The following CADPS variants were observed in gnomAD, a reference collection of about 807,000 sequenced individuals.
CADPS encodes the protein calcium-dependent secretion activator 1.
In CADPS, 57 loss-of-function variants were observed where a neutral mutation model predicts 167.3. The observed-to-expected ratio is 0.34, with a 90% CI of 0.28 to 0.42. CADPS has a LOEUF of 0.42. CADPS is among the 20% of genes least tolerant of loss of function. The pLI, the probability that CADPS is intolerant of heterozygous loss-of-function variation, is 1.00. For synonymous variants in CADPS, 676 were observed against 635.3 expected (o/e 1.06, Z -0.96); for missense variants, 1,414 against 1,738.1 (o/e 0.81, Z 3.32).
At chr3:62,713,950 T>A (rs1474528927) in intron 3 of CADPS, among the ~76,000 whole-genome samples, 1 of 152,270 alleles carries the variant, frequency 6.6e-6, no homozygotes, top group East Asian at 1.9e-4. Flanking sequence ...TGCAGCTTTT[T>A]AAAAAAATTT....
In CADPS at chr3:62,834,093, C is replaced by T. The variant is rs556775714; in HGVS notation, c.441+40496G>A. Among the ~76,000 whole-genome samples, 95 of 152,136 alleles carry T rather than the reference C, an allele frequency of 6.2e-4. 1 individual carries two copies. In the South Asian group the frequency reaches 0.011, roughly 18 times the overall value. The stretch of plus-strand genomic sequence containing the variant: ...TCTTTGTAAGAAAAAGAAAATCATG[C>T]GTATCAGTAAAAGTCATGTTTTCAA... On this transcript the variant is annotated intron_variant, in intron 1 of 29. Transcript: ENST00000383710.
intron 19 of CADPS, among the ~76,000 whole-genome samples, chr3:62,493,044 G>C (rs546763730): frequency 1.3e-5 from 2 of 152,248 alleles, no homozygotes; most frequent in East Asian, 3.9e-4. Context: ...GGAGGCTTTG[G>C]TTTTGTATCC....
At chr3:62,690,498 G>C (rs1260767262) in intron 3 of CADPS, among the ~76,000 whole-genome samples, 1 of 151,898 alleles carries the variant, frequency 6.6e-6, no homozygotes, top group Non-Finnish European at 1.5e-5. Context: ...AGGGAAGTCA[G>C]TGCCTGACTT....
chr3:62,596,427 A>T (rs1055605402), intron 6 of CADPS, among the ~76,000 whole-genome samples: 3 of 151,874 alleles, frequency 2.0e-5, no homozygotes, highest in Non-Finnish European at 4.4e-5. Context: ...CGAACTCCTG[A>T]CCTCAAGTGA....
chr3:62,829,463 C>CA (rs2074670233), intron 1 of CADPS, among the ~76,000 whole-genome samples: 1 of 152,076 alleles, frequency 6.6e-6, no homozygotes, highest in Admixed American at 6.6e-5. Flanking sequence ...CTATATCCTC[C>CA]ATGGATACCA....
At position 62,478,547 on chromosome 3, in the gene CADPS, G is replaced by A. The variant is rs2061595121; in HGVS notation, c.3174-131C>T. 1.2e-6 allele frequency: 1 copy of A among 806,720 alleles called. No individual in the cohort carries two copies. The highest frequency in any genetic ancestry group is 1.9e-6 in the Non-Finnish European group (1 of 516,754). 50.0% of individuals were successfully genotyped at this position (806,720 alleles called of 1,614,324 possible). A position where few individuals can be genotyped will look rare whatever the true frequency, so the allele number is the denominator to read the frequency against. ...ATACAAAACAACGTGTGTTGGCGGT[G>A]GAGGCGGGGGCGAGTCTCCACCGGC... On this transcript the variant is annotated intron_variant, in intron 22 of 29. Transcript: ENST00000383710. This position sits in a 1 kb window ranked among gnomAD's most constrained non-coding sequence, Gnocchi z 5.7.
intron 1 of CADPS, among the ~76,000 whole-genome samples, chr3:62,783,027 T>C (rs902074312): frequency 2.0e-5 from 3 of 152,212 alleles, no homozygotes; most frequent in African/African-American, 7.2e-5. Flanking sequence ...CCGAAAGTGC[T>C]GGGATTACAG....
At position 62,592,724 on chromosome 3, in the gene CADPS, G is replaced by A. The variant is rs749747286; in HGVS notation, c.1350C>T (p.Ser450=). 1 of 1,614,116 alleles carries A rather than the reference G, an allele frequency of 6.2e-7. No individual in the cohort carries two copies. Among genetic ancestry groups the A allele is most frequent in the South Asian group, 1.1e-5 (1 of 91,082 alleles). Residue 450 remains serine, a synonymous_variant, in exon 7 of 30, where the codon TCC becomes TCT. Transcript: ENST00000383710. The part of the protein sequence containing the change: ...KPTWGTQGDF[S]TTHALPAVKV... Reference sequence around the variant, plus strand: ...TCACAGCTGGCAGTGCATGGGTTGTGGAGAAGTCACCCTGGGTGCCCCAGC... The same window carrying A: ...TCACAGCTGGCAGTGCATGGGTTGTAGAGAAGTCACCCTGGGTGCCCCAGC...
At chr3:62,804,334 C>T (rs1054370467) in intron 1 of CADPS, among the ~76,000 whole-genome samples, 1 of 151,980 alleles carries the variant, frequency 6.6e-6, no homozygotes, top group African/African-American at 2.4e-5. Context: ...CATCTTGAGG[C>T]CAAGGGTATT....
rs143290703 is a variant in CADPS, at chr3:62,630,377, A to G, written c.1325+15345T>C. 1.1e-3 allele frequency among the ~76,000 whole-genome samples: 163 copies of G among 152,202 alleles called. 1 individual carries two copies. The highest frequency in any genetic ancestry group is 3.7e-3 in the African/African-American group (155 of 41,528). ...TTTCTTGGAAATAGAGTCTCACACT[A>G]TCACCCAAGCTGGAGTGCAGTGGTG... On this transcript the variant is annotated intron_variant, in intron 6 of 29. Coordinates refer to ENST00000383710, the MANE Select transcript of CADPS (RefSeq NM_003716.4).
chr3:62,757,130 G>A (rs2084137155), intron 2 of CADPS, among the ~76,000 whole-genome samples: 1 of 152,072 alleles, frequency 6.6e-6, no homozygotes, highest in South Asian at 2.1e-4. Flanking sequence ...GACACTAAGG[G>A]GTTAAGCCTT....
chr3:62,602,626 T>C lies in CADPS; in HGVS notation c.1326-9878A>G, dbSNP rs2060137581. Among the ~76,000 whole-genome samples the C allele has an allele frequency of 6.6e-6, 1 of 152,134 alleles. No individual in the cohort carries two copies. The highest frequency in any genetic ancestry group is 2.4e-5 in the African/African-American group (1 of 41,418). ...CTAATTGATAGGCTGGGCTTTGGGT[T>C]CTTTAGTGTACTAGAAAAGCTAAGC... On this transcript the variant is annotated intron_variant, in intron 6 of 29. Coordinates refer to ENST00000383710, the MANE Select transcript of CADPS (RefSeq NM_003716.4). The surrounding 1 kb of genome is among the most constrained non-coding windows in gnomAD (Gnocchi z 4.4).
intron 1 of CADPS, among the ~76,000 whole-genome samples, chr3:62,768,577 C>T (rs304195): frequency 2.7e-4 from 41 of 152,160 alleles, no homozygotes; most frequent in African/African-American, 8.9e-4. Context: ...ACACTCTGCC[C>T]AGCCCTGCAC....
In CADPS at chr3:62,716,965, G is replaced by A. The variant is rs558687021; in HGVS notation, c.888+36476C>T. On this transcript the variant is annotated intron_variant, in intron 3 of 29. Transcript: ENST00000383710. ...TTAAAAGACTAGTGAAGCTCACGATGTAGACCATTCAAGCCACCCTTTTAA... is the reference window on the plus strand; with the variant it reads ...TTAAAAGACTAGTGAAGCTCACGATATAGACCATTCAAGCCACCCTTTTAA... Among the ~76,000 whole-genome samples, 27 of 152,228 alleles carry A rather than the reference G, an allele frequency of 1.8e-4. No individual in the cohort carries two copies. In the South Asian group the frequency reaches 5.4e-3, roughly 30 times the overall value.
At chr3:62,751,801 T>C (rs1487104626) in intron 3 of CADPS, among the ~76,000 whole-genome samples, 2 of 152,204 alleles carry the variant, frequency 1.3e-5, no homozygotes, top group African/African-American at 4.8e-5. Context: ...CTGTACTTTT[T>C]TCTATTTCGC....
intron 3 of CADPS, among the ~76,000 whole-genome samples, chr3:62,748,030 C>A (rs2081855841): frequency 6.6e-6 from 1 of 151,862 alleles, no homozygotes; most frequent in African/African-American, 2.4e-5. Flanking sequence ...TTTAAAAATA[C>A]ATGAAGATGG....
At chr3:62,417,937 G>A (rs1040200529) in intron 28 of CADPS, among the ~76,000 whole-genome samples, 1 of 152,064 alleles carries the variant, frequency 6.6e-6, no homozygotes, top group African/African-American at 2.4e-5. Context: ...GTTTGAGGCG[G>A]GAGGATCACT....
At chr3:62,847,466 C>T (rs2077709743) in intron 1 of CADPS, among the ~76,000 whole-genome samples, 1 of 100,752 alleles carries the variant, frequency 9.9e-6, no homozygotes, top group Non-Finnish European at 2.0e-5. Flanking sequence ...GTGTGATATT[C>T]CCCTTCCTGT....
chr3:62,719,608 A>G (rs1349599481), intron 3 of CADPS, among the ~76,000 whole-genome samples: 1 of 152,170 alleles, frequency 6.6e-6, no homozygotes, highest in Non-Finnish European at 1.5e-5. Flanking sequence ...CACAGTGCCC[A>G]CCTTTAGCAA....
Sources: gnomAD v4.1 joint callset for allele counts (sites outside exome capture counted in the v4.1 genomes callset) on GRCh38, gnomAD v4.1.1 for gene constraint, Gnocchi (gnomAD v3.1) non-coding constraint, MANE v1.5 for transcripts, NCBI Gene and HGNC (gene_info 2026-07-23, HGNC 2026-07-21) for gene names.